Variants in FAU observed in about 807,000 individuals in gnomAD.
FAU encodes FAU ubiquitin like and ribosomal protein S30 fusion, also known as ubiquitin-like FUBI-ribosomal protein eS30 fusion protein.
For missense variants in FAU, 125 were observed against 173.9 expected (o/e 0.72, Z 1.58); for synonymous variants, 70 against 69.9 (o/e 1.00, Z -0.01).
In FAU at chr11:65,121,817, G is replaced by C; in HGVS notation, c.-4C>G. On this transcript the variant is annotated 5_prime_UTR_variant, in exon 2 of 5. Coordinates refer to ENST00000529639, the MANE Select transcript of FAU (RefSeq NM_001997.5). ...GGGCGCGGACAAAGAGCTGCATATT[G>C]GCGACTGAGTAAAGAAAAGACGGCT... is the stretch of plus-strand genomic sequence containing the variant. The C allele has an allele frequency of 1.2e-6, 2 of 1,614,024 alleles. No individual in the cohort carries two copies. Among genetic ancestry groups the C allele is most frequent in the Non-Finnish European group, 1.7e-6 (2 of 1,179,980 alleles).
At chr11:65,121,867 T>C (rs1213990871) in intron 1 of FAU, 46 bp from the exon 2 acceptor site, 2 of 1,591,434 alleles carry the variant, frequency 1.3e-6, no homozygotes, top group Admixed American at 1.7e-5. Flanking sequence ...AGAAATGCTC[T>C]GGGATAAAGG....
chr11:65,121,135 C>G (rs1948043078), intron 3 of FAU, 99 bp from the exon 4 acceptor site: 1 of 1,222,222 alleles, frequency 8.2e-7, no homozygotes, highest in Non-Finnish European at 1.2e-6. Context: ...AGAAGCTGCG[C>G]CCAATAGGTA....
At chr11:65,121,842 T>C in intron 1 of FAU, 21 bp from the exon 2 acceptor site, 1 of 1,612,370 alleles carries the variant, frequency 6.2e-7, no homozygotes, top group South Asian at 1.1e-5. Context: ...AAAAGACGGC[T>C]TGTAAGAGAA....
chr11:65,121,086 C>A (rs1274618691), intron 3 of FAU, 50 bp from the exon 4 acceptor site: 13 of 1,574,918 alleles, frequency 8.3e-6, no homozygotes, highest in Non-Finnish European at 1.1e-5. Flanking sequence ...AAGGTGCCAC[C>A]CAGCAGAACC....
chr11:65,121,291 A>T (rs1590820813), intron 3 of FAU: 1 of 763,024 alleles, frequency 1.3e-6, no homozygotes, highest in African/African-American at 1.8e-5. Flanking sequence ...GGATCTCGTG[A>T]TGTGACTGAA....
intron 1 of FAU, 94 bp from the exon 2 acceptor site, chr11:65,121,915 A>C: frequency 1.5e-6 from 2 of 1,315,112 alleles, no homozygotes; most frequent in Admixed American, 4.0e-5. Flanking sequence ...AACGATCGCG[A>C]CGGGATGGTG....
chr11:65,121,225 C>T (rs1948044018), intron 3 of FAU, 189 bp from the exon 4 acceptor site: 2 of 754,094 alleles, frequency 2.7e-6, no homozygotes, highest in Admixed American at 2.9e-5. Context: ...TTTTATAGAG[C>T]ACTTTGGGGG....
In FAU at chr11:65,121,614, G is replaced by C; in HGVS notation, c.106C>G (p.Pro36Ala). The C allele has an allele frequency of 1.9e-6, 3 of 1,614,002 alleles. No individual in the cohort carries two copies. The highest frequency in any genetic ancestry group is 1.7e-6 in the Non-Finnish European group (2 of 1,180,024). ...AHVASLEGIA[P>A]EDQVVLLAGA... The stretch of plus-strand genomic sequence containing the variant: ...GCCAGGAGCACGACTTGATCTTCCG[G>C]GGCAATGCCCTCCAGTGAGGCTACA... The change falls in exon 3 of 5, where the codon CCG (proline) becomes GCG (alanine). Residue 36 changes from proline to alanine, a missense_variant. By Grantham distance (27) the Pro-to-Ala change is conservative. Coordinates refer to ENST00000529639, the MANE Select transcript of FAU (RefSeq NM_001997.5).
In FAU at chr11:65,121,820, G is replaced by C. The variant is rs373931529; in HGVS notation, c.-7C>G. 4 of 1,613,792 alleles carry C rather than the reference G, an allele frequency of 2.5e-6. No individual in the cohort carries two copies. The African/African-American group carries it at 5.3e-5, about 22-fold the overall frequency. ...CGCGGACAAAGAGCTGCATATTGGC[G>C]ACTGAGTAAAGAAAAGACGGCTTGT... On this transcript the variant is annotated splice_region_variant and 5_prime_UTR_variant, in exon 2 of 5. Coordinates refer to ENST00000529639, the MANE Select transcript of FAU (RefSeq NM_001997.5).
chr11:65,120,897 A>T, intron 4 of FAU, 84 bp downstream of exon 4: 1 of 1,609,748 alleles, frequency 6.2e-7, no homozygotes, highest in South Asian at 1.1e-5. Context: ...GGGAGAAGGC[A>T]AACCGAGTAA....
Position 65,121,664 on chromosome 11 carries a change from T to G in FAU, c.76-20A>C. 4.3e-6 allele frequency: 7 copies of G among 1,613,526 alleles called. No individual in the cohort carries two copies. The highest frequency in any genetic ancestry group is 5.9e-6 in the Non-Finnish European group (7 of 1,179,810). On this transcript the variant is annotated intron_variant, in intron 2 of 4. Coordinates refer to ENST00000529639, the MANE Select transcript of FAU (RefSeq NM_001997.5). The stretch of plus-strand genomic sequence containing the variant: ...ATGAGCCTACAGGGAAAGATAAGGC[T>G]CGTAAGCGTTCCCTCGGGCCGCGAG...
chr11:65,121,687 G>C, intron 2 of FAU, 43 bp from the exon 3 acceptor site: 1 of 1,613,786 alleles, frequency 6.2e-7, no homozygotes, highest in Non-Finnish European at 8.5e-7. Context: ...CTCGGGCCGC[G>C]AGAGTGAAGA....
chr11:65,120,825 A>G lies in FAU; in HGVS notation c.277-19T>C. On this transcript the variant is annotated intron_variant, in intron 4 of 4. Coordinates refer to ENST00000529639, the MANE Select transcript of FAU (RefSeq NM_001997.5). ...TGGCCACCTGGAGAAGGGAAGGTTAATCAGGCCCTGGTTCCTGTCTTCCAC... is the reference window on the plus strand; with the variant it reads ...TGGCCACCTGGAGAAGGGAAGGTTAGTCAGGCCCTGGTTCCTGTCTTCCAC... The G allele has an allele frequency of 6.2e-7, 1 of 1,613,932 alleles. No individual in the cohort carries two copies. The highest frequency in any genetic ancestry group is 8.5e-7 in the Non-Finnish European group (1 of 1,179,870).
At chr11:65,121,964 G>A (rs954891251) in intron 1 of FAU, 126 bp downstream of exon 1, 19 of 800,830 alleles carry the variant, frequency 2.4e-5, no homozygotes, top group African/African-American at 7.0e-5. Context: ...GGCCTCCCAA[G>A]GAGTTCGGAT....
rs766660045 is a variant in FAU, at chr11:65,121,634, G to C, written c.86C>G (p.Ala29Gly). The C allele has an allele frequency of 6.2e-7, 1 of 1,613,924 alleles. No individual in the cohort carries two copies. ...ETVAQIKAHV[A>G]SLEGIAPEDQ... ...TTCCGGGGCAATGCCCTCCAGTGAG[G>C]CTACATGAGCCTACAGGGAAAGATA... Residue 29 changes from alanine (A) to glycine (G), a missense_variant, in exon 3 of 5, where the codon GCC becomes GGC. Coordinates refer to ENST00000529639, the MANE Select transcript of FAU (RefSeq NM_001997.5).
At chr11:65,121,682 G>A in intron 2 of FAU, 38 bp from the exon 3 acceptor site, 1 of 1,613,726 alleles carries the variant, frequency 6.2e-7, no homozygotes, top group Non-Finnish European at 8.5e-7. Context: ...GTTCCCTCGG[G>A]CCGCGAGAGT....
At position 65,121,040 on chromosome 11, in the gene FAU, T is replaced by A; in HGVS notation, c.221-4A>T. On this transcript the variant is annotated splice_polypyrimidine_tract_variant and splice_region_variant and intron_variant, in intron 3 of 4. Coordinates refer to ENST00000529639, the MANE Select transcript of FAU (RefSeq NM_001997.5). ...GCCAGGGAACCATGGACTTTACCTG[T>A]AGTGGGAAAGGAAGGCACCAGCAGG... 6.2e-7 allele frequency: 1 copy of A among 1,614,094 alleles called. No individual in the cohort carries two copies. Among genetic ancestry groups the A allele is most frequent in the Non-Finnish European group, 8.5e-7 (1 of 1,180,000 alleles).
In FAU at chr11:65,121,578, G is replaced by C. The variant is rs1948048216; in HGVS notation, c.142C>G (p.Leu48Val). ...DQVVLLAGAP[L>V]EDEATLGQCG... ...TGGCCCAGAGTGGCCTCATCCTCCA[G>C]GGGCGCGCCTGCCAGGAGCACGACT... is the stretch of plus-strand genomic sequence containing the variant. Residue 48 changes from leucine (L) to valine (V), a missense_variant, in exon 3 of 5, where the codon CTG becomes GTG. Transcript: ENST00000529639. 1.2e-6 allele frequency: 2 copies of C among 1,613,904 alleles called. No homozygotes were observed. The highest frequency in any genetic ancestry group is 2.2e-5 in the East Asian group (1 of 44,904).
intron 3 of FAU, chr11:65,121,288 G>A (rs540775825): frequency 1.8e-5 from 14 of 757,460 alleles, no homozygotes; most frequent in South Asian, 1.7e-4. Context: ...CTAGGATCTC[G>A]TGATGTGACT....
Sources: allele counts gnomAD v4.1 joint callset, GRCh38; gene constraint gnomAD v4.1.1; transcripts MANE v1.5; gene names NCBI Gene and HGNC (gene_info 2026-07-23, HGNC 2026-07-21).